The following SLC17A6 variants were observed in gnomAD, a reference collection of about 807,000 sequenced individuals.
The protein encoded by SLC17A6 is solute carrier family 17 member 6.
In SLC17A6, 35 loss-of-function variants were observed where a neutral mutation model predicts 67.1. The ratio of observed to expected loss-of-function variants is 0.52; its 90% confidence interval spans 0.40 to 0.69. The LOEUF (loss-of-function observed/expected upper bound fraction) is 0.69. Among genes scored for constraint, SLC17A6 ranks in the 30% least tolerant of loss-of-function variants. The pLI is 0.00. For missense variants in SLC17A6, 588 were observed against 723.9 expected, an observed-to-expected ratio of 0.81 and a Z score of 2.15; for synonymous variants, 285 against 252.3, an observed-to-expected ratio of 1.13 and a Z score of -1.23.
intron 2 of SLC17A6, chr11:22,342,914 C>G (rs764193017): frequency 4.2e-6 from 2 of 478,692 alleles, no homozygotes; most frequent in Non-Finnish European, 8.2e-6. Flanking sequence ...CCACATCTGG[C>G]TAACAAATCT....
chr11:22,374,940 T>C, intron 9 of SLC17A6, 53 bp downstream of exon 9: 1 of 1,492,922 alleles, frequency 6.7e-7, no homozygotes, highest in Non-Finnish European at 8.9e-7. Context: ...CAGTTTAACC[T>C]ACATGAGAGA....
intron 1 of SLC17A6, among the ~76,000 whole-genome samples, chr11:22,339,402 G>T (rs577993909): frequency 7.2e-4 from 109 of 151,584 alleles, no homozygotes; most frequent in Non-Finnish European, 1.1e-3. Context: ...TCTATTTCTT[G>T]CATAGGAAAT....
rs1856256933 is a variant in SLC17A6 at position 22,378,452 on chromosome 11, A to T, written c.*712A>T. 1 of 152,636 alleles carries T rather than the reference A, an allele frequency of 6.6e-6. No individual in the cohort carries two copies. Among genetic ancestry groups the T allele is most frequent in the African/African-American group, 2.4e-5 (1 of 41,468 alleles). 9.5% of individuals were successfully genotyped at this position (152,636 alleles called of 1,614,324 possible). ...AAACAGTTCACATTTCAATAAAATC[A>T]AACTTTTCATGTAGCGTATCACATA... On this transcript the variant is annotated 3_prime_UTR_variant, in exon 12 of 12. Transcript: ENST00000263160.
chr11:22,346,996 CTATT>C (rs1855884446), intron 3 of SLC17A6, among the ~76,000 whole-genome samples: 1 of 151,676 alleles, frequency 6.6e-6, no homozygotes, highest in South Asian at 2.1e-4. Context: ...TATTTAAACT[CTATT>C]TAATATTTTT....
intron 3 of SLC17A6, among the ~76,000 whole-genome samples, chr11:22,358,846 T>A (rs1856018304): frequency 6.6e-6 from 1 of 152,232 alleles, no homozygotes; most frequent in Non-Finnish European, 1.5e-5. Flanking sequence ...TGCTAAGGGA[T>A]TTAATCAAGA....
intron 8 of SLC17A6, among the ~76,000 whole-genome samples, chr11:22,373,539 G>A (rs1856197342): frequency 6.6e-6 from 1 of 151,580 alleles, no homozygotes; most frequent in East Asian, 1.9e-4. Context: ...ACCAAGTTTT[G>A]TACTAGACTA....
chr11:22,357,330 A>C (rs949565082), intron 3 of SLC17A6, among the ~76,000 whole-genome samples: 1 of 152,218 alleles, frequency 6.6e-6, no homozygotes, highest in Non-Finnish European at 1.5e-5. Flanking sequence ...AGCACTCATT[A>C]AATTTAGCTC....
chr11:22,341,880 A>G, intron 2 of SLC17A6, 100 bp downstream of exon 2: 1 of 1,507,708 alleles, frequency 6.6e-7, no homozygotes, highest in South Asian at 1.3e-5. Flanking sequence ...ACTGAGAGGA[A>G]GGTTTGGGTG....
chr11:22,339,065 A>ATATATATATATGTTATATATATATGT (rs1554942731), intron 1 of SLC17A6, among the ~76,000 whole-genome samples: 1 of 118,674 alleles, frequency 8.4e-6, no homozygotes, highest in Admixed American at 8.9e-5. Context: ...AATGGTTTAT[A>ATATATATATATGTTATATATATATGT]TATATATATA....
intron 7 of SLC17A6, 119 bp from the exon 8 acceptor site, chr11:22,369,920 T>C (rs939676225): frequency 4.6e-6 from 4 of 863,050 alleles, no homozygotes; most frequent in Non-Finnish European, 6.9e-6. Flanking sequence ...TCACTACATC[T>C]TCCTACTTCC....
intron 3 of SLC17A6, among the ~76,000 whole-genome samples, chr11:22,357,270 T>A (rs531875619): frequency 7.9e-5 from 12 of 152,326 alleles, no homozygotes; most frequent in Admixed American, 5.2e-4. Context: ...TAGGTGCTTG[T>A]GGAGTTTATG....
At chr11:22,367,421 G>A (rs1313291430) in intron 7 of SLC17A6, among the ~76,000 whole-genome samples, 1 of 152,176 alleles carries the variant, frequency 6.6e-6, no homozygotes, top group Non-Finnish European at 1.5e-5. Context: ...TGTTCCATGA[G>A]TTAGCTTGGC....
At chr11:22,363,741 A>G (rs371540122) in intron 6 of SLC17A6, among the ~76,000 whole-genome samples, 2 of 152,180 alleles carry the variant, frequency 1.3e-5, no homozygotes, top group East Asian at 3.8e-4. Flanking sequence ...TGGATCCATG[A>G]ATGCCCTAAA....
At chr11:22,368,748 C>A (rs1178556537) in intron 7 of SLC17A6, among the ~76,000 whole-genome samples, 2 of 151,940 alleles carry the variant, frequency 1.3e-5, no homozygotes, top group African/African-American at 4.8e-5. Flanking sequence ...AATAAGTGTA[C>A]GCATCTGGAA....
chr11:22,376,260 C>A (rs1353901918), intron 10 of SLC17A6, among the ~76,000 whole-genome samples, 168 bp downstream of exon 10: 1 of 151,382 alleles, frequency 6.6e-6, no homozygotes. Context: ...ATTGAGAAAA[C>A]ATTTAGATTT....
rs1491217296 is a variant in SLC17A6, at chr11:22,339,182, T to TATATAC, written c.86+568_86+569insCATATA. On this transcript the variant is annotated intron_variant, in intron 1 of 11. Transcript: ENST00000263160. ...ATATATATGTTATATATATATGTTT[T>TATATAC]ATATATATATATATATATATATGTT... Among the ~76,000 whole-genome samples the TATATAC allele has an allele frequency of 2.6e-4, 4 of 15,272 alleles. 1 individual carries two copies. In the East Asian group the frequency reaches 0.026, roughly 100 times the overall value. The allele number at this position is 15,272 out of a possible 152,430, so 10.0% of individuals were successfully genotyped here. A position where few individuals can be genotyped will look rare whatever the true frequency, so the allele number is the denominator to read the frequency against.
intron 5 of SLC17A6, chr11:22,361,239 G>T (rs1352280581): frequency 5.5e-6 from 2 of 363,962 alleles, no homozygotes; most frequent in Non-Finnish European, 5.0e-6. Flanking sequence ...TTCATGGGTG[G>T]TTTTTATAAT....
chr11:22,362,826 G>T lies in SLC17A6; in HGVS notation c.748+1G>T, dbSNP rs1856067861. 6.2e-7 allele frequency: 1 copy of T among 1,611,910 alleles called. No individual in the cohort carries two copies. Among genetic ancestry groups the T allele is most frequent in the Non-Finnish European group, 8.5e-7 (1 of 1,178,250 alleles). ...TGGTCTTCAGTGTTTTATGTCTACG[G>T]TATGTTATATTTCTATGCAATAGAG... On this transcript the variant is annotated splice_donor_variant, in intron 6 of 11. Coordinates refer to ENST00000263160, the MANE Select transcript of SLC17A6 (RefSeq NM_020346.3). LOFTEE classifies it high-confidence loss of function.
At chr11:22,350,137 C>A (rs1166336337) in intron 3 of SLC17A6, among the ~76,000 whole-genome samples, 3 of 152,064 alleles carry the variant, frequency 2.0e-5, no homozygotes, top group African/African-American at 7.2e-5. Context: ...TCAAAGCGAA[C>A]TCATTATGGG....
Sources: allele counts gnomAD v4.1 joint callset (sites outside exome capture counted in the v4.1 genomes callset), GRCh38; gene constraint gnomAD v4.1.1; transcripts MANE v1.5; gene names NCBI Gene and HGNC (gene_info 2026-07-23, HGNC 2026-07-21).